NECAB2: variants seen among roughly 807,000 people sequenced by gnomAD.
NECAB2 encodes the protein N-terminal EF-hand calcium binding protein 2.
NECAB2 carries 68 observed loss-of-function variants against 51.9 expected under a neutral mutation model. The ratio of observed to expected loss-of-function variants is 1.31; its 90% CI spans 1.08 to 1.60. The LOEUF (loss-of-function observed/expected upper bound fraction) is 1.60, where lower values mean the gene tolerates loss of function less well. Among genes scored for constraint, NECAB2 ranks in the 40% most tolerant of loss-of-function variants. NECAB2 has a pLI of 0.00. For synonymous variants in NECAB2, 329 were observed against 203.5 expected (o/e 1.62, Z -5.25); for missense variants, 854 against 490.3 (o/e 1.74, Z -7.00).
intron 11 of NECAB2, 142 bp downstream of exon 11, chr16:84,000,943 TTGC>T: frequency 1.3e-6 from 1 of 774,388 alleles, no homozygotes. Context: ...GCTGGCATGC[TTGC>T]GTCAGTAAAC....
chr16:83,968,756 C>T lies in NECAB2; in HGVS notation c.108C>T (p.Ala36=). 9.2e-7 allele frequency: 1 copy of T among 1,083,192 alleles called. No homozygotes were observed. Among genetic ancestry groups the T allele is most frequent in the Non-Finnish European group, 1.1e-6 (1 of 894,978 alleles). The allele number at this position is 1,083,192 out of a possible 1,614,324, so 67.1% of individuals were successfully genotyped here. A position where few individuals can be genotyped will look rare whatever the true frequency, so the allele number is the denominator to read the frequency against. Reference sequence around the variant, plus strand: ...GCGGGCTGCTGCGCTGGGTGGGCGCCAGGATGGGCGAGCCCCGGGAGTCGC... The same window carrying T: ...GCGGGCTGCTGCGCTGGGTGGGCGCTAGGATGGGCGAGCCCCGGGAGTCGC... ...ALGGLLRWVG[A]RMGEPRESLA... The change falls in exon 1 of 13, where the codon GCC becomes GCT. Residue 36 remains alanine (A), a synonymous_variant. Coordinates refer to ENST00000305202, the MANE Select transcript of NECAB2 (RefSeq NM_019065.3).
intron 8 of NECAB2, among the ~76,000 whole-genome samples, chr16:83,996,961 C>G (rs1160554583): frequency 6.6e-6 from 1 of 151,174 alleles, no homozygotes; most frequent in African/African-American, 2.5e-5. Context: ...AGTGGCAAAC[C>G]CCAGCATCTT....
intron 2 of NECAB2, among the ~76,000 whole-genome samples, chr16:83,974,334 C>T (rs558018185): frequency 6.6e-6 from 1 of 152,302 alleles, no homozygotes; most frequent in African/African-American, 2.4e-5. Context: ...ATAATTACAG[C>T]ACCCACCTCA....
Position 84,002,625 on chromosome 16 carries a change from C to A in NECAB2, c.*279C>A. 1 of 549,248 alleles carries A rather than the reference C, an allele frequency of 1.8e-6. No homozygotes were observed. Among genetic ancestry groups the A allele is most frequent in the South Asian group, 2.1e-5 (1 of 48,396 alleles). The allele number at this position is 549,248 out of a possible 1,614,324, so 34.0% of individuals were successfully genotyped here. A position where few individuals can be genotyped will look rare whatever the true frequency, so the allele number is the denominator to read the frequency against. The stretch of plus-strand genomic sequence containing the variant: ...CTCCTGGTCCTGGCCTCTCCCCTAC[C>A]CCTCACATGGCCACGCATGACCCAC... On this transcript the variant is annotated 3_prime_UTR_variant, in exon 13 of 13. Transcript: ENST00000305202.
At chr16:83,972,214 TC>T in intron 2 of NECAB2, 39 bp downstream of exon 2, 1 of 1,612,616 alleles carries the variant, frequency 6.2e-7, no homozygotes, top group Non-Finnish European at 8.5e-7. Flanking sequence ...CCCCACTCCT[TC>T]TGTCCTCGTG....
At chr16:83,998,459 G>T (rs1276770623) in intron 10 of NECAB2, 142 bp downstream of exon 10, 10 of 766,170 alleles carry the variant, frequency 1.3e-5, no homozygotes, top group African/African-American at 3.5e-5. Flanking sequence ...TAAGAAGTGG[G>T]TTCAGGTCTC....
At chr16:83,970,963 G>A (rs762189343) in intron 1 of NECAB2, among the ~76,000 whole-genome samples, 2 of 152,234 alleles carry the variant, frequency 1.3e-5, no homozygotes, top group Non-Finnish European at 2.9e-5. Context: ...TTGTGATGGC[G>A]GGCGTCTGTA....
intron 5 of NECAB2, among the ~76,000 whole-genome samples, chr16:83,981,519 C>T (rs2084489771): frequency 6.6e-6 from 1 of 152,082 alleles, no homozygotes; most frequent in Non-Finnish European, 1.5e-5. Flanking sequence ...AACCCTGTCC[C>T]ATATCAGGTT....
rs1204676330 is a variant in NECAB2, at chr16:83,978,430, T to C, written c.227-14T>C. On this transcript the variant is annotated splice_polypyrimidine_tract_variant and intron_variant, in intron 2 of 12. Coordinates refer to ENST00000305202, the MANE Select transcript of NECAB2 (RefSeq NM_019065.3). ...TGCAGACACCAGCTCCTTTCTCTGC[T>C]TCCTTCCTTGCAGATGATGGGAAGC... is the stretch of plus-strand genomic sequence containing the variant. 6.8e-6 allele frequency: 11 copies of C among 1,610,450 alleles called. No homozygotes were observed. Among genetic ancestry groups the C allele is most frequent in the African/African-American group, 5.3e-5 (4 of 74,790 alleles).
chr16:83,974,677 G>T (rs1190674501), intron 2 of NECAB2, among the ~76,000 whole-genome samples: 1 of 152,170 alleles, frequency 6.6e-6, no homozygotes, highest in African/African-American at 2.4e-5. Context: ...TCACATGGTC[G>T]GGGGGCAGCG....
At chr16:84,001,779 G>C (rs2271297) in intron 11 of NECAB2, 46 bp from the exon 12 acceptor site, 1 of 1,602,508 alleles carries the variant, frequency 6.2e-7, no homozygotes, top group Non-Finnish European at 8.5e-7. Flanking sequence ...CACACGCGGA[G>C]CTCCACTCCT....
chr16:83,993,093 C>T (rs528045225), intron 6 of NECAB2, among the ~76,000 whole-genome samples: 2 of 152,192 alleles, frequency 1.3e-5, no homozygotes, highest in East Asian at 1.9e-4. Context: ...CACACATGCC[C>T]CTCCCTCGAA....
Position 83,998,808 on chromosome 16 carries a change from C to CTCCTCCCCG in NECAB2, c.962+492_962+493insCCTCCCCGT, listed in dbSNP as rs981281206. ...AAGTCATGTAGTTGCCCTTCTCCCCCTGATGTGCTGAGATGTCCAGGGCGG... is the reference window on the plus strand; with the variant it reads ...AAGTCATGTAGTTGCCCTTCTCCCCCTCCTCCCCGTGATGTGCTGAGATGTCCAGGGCGG... On this transcript the variant is annotated intron_variant, in intron 10 of 12. Coordinates refer to ENST00000305202, the MANE Select transcript of NECAB2 (RefSeq NM_019065.3). 9.8e-5 allele frequency among the ~76,000 whole-genome samples: 15 copies of CTCCTCCCCG among 152,292 alleles called. No individual in the cohort carries two copies. The East Asian group carries it at 1.4e-3, about 14-fold the overall frequency.
chr16:83,994,552 C>G (rs978927016), intron 7 of NECAB2, 57 bp from the exon 8 acceptor site: 2 of 1,608,176 alleles, frequency 1.2e-6, no homozygotes, highest in Non-Finnish European at 8.5e-7. Context: ...CCAGCTTCCC[C>G]CCGAAGCCCT....
chr16:83,998,391 C>CT, intron 10 of NECAB2, 74 bp downstream of exon 10: 1 of 1,426,196 alleles, frequency 7.0e-7, no homozygotes, highest in Non-Finnish European at 9.7e-7. Context: ...CAGGGCAGGA[C>CT]TAGGCTTTGC....
chr16:83,998,852 C>T (rs1195806068), intron 10 of NECAB2, among the ~76,000 whole-genome samples: 2 of 152,332 alleles, frequency 1.3e-5, no homozygotes, highest in Non-Finnish European at 2.9e-5. Context: ...GCCTTACCTT[C>T]AAATTCCTGT....
intron 10 of NECAB2, among the ~76,000 whole-genome samples, chr16:83,999,542 G>C (rs374914111): frequency 1.3e-5 from 2 of 152,010 alleles, no homozygotes; most frequent in East Asian, 3.9e-4. Context: ...AATCCAGCCC[G>C]GCCCCTTCCT....
At chr16:83,977,970 C>T (rs185054697) in intron 2 of NECAB2, among the ~76,000 whole-genome samples, 24 of 152,232 alleles carry the variant, frequency 1.6e-4, no homozygotes, top group Non-Finnish European at 3.1e-4. Flanking sequence ...CACTTCATAC[C>T]GATGGTGTGA....
chr16:83,968,167 G>A (rs2084309082), upstream of NECAB2, among the ~76,000 whole-genome samples: 1 of 151,524 alleles, frequency 6.6e-6, no homozygotes, highest in Non-Finnish European at 1.5e-5. Context: ...TGACGGGGCC[G>A]CGGGGCGTGG....
Sources: gnomAD v4.1 joint callset for allele counts (sites outside exome capture counted in the v4.1 genomes callset) on GRCh38, gnomAD v4.1.1 for gene constraint, MANE v1.5 for transcripts, NCBI Gene and HGNC (gene_info 2026-07-23, HGNC 2026-07-21) for gene names.